PRKG1: variants seen among roughly 807,000 people sequenced by gnomAD.
The protein encoded by PRKG1 is protein kinase cGMP-dependent 1.
In PRKG1, 35 loss-of-function variants were observed where a neutral mutation model predicts 88.1. That is an observed-to-expected ratio of 0.40 (90% CI 0.30 to 0.53). The LOEUF (loss-of-function observed/expected upper bound fraction) is 0.53, where lower values mean the gene tolerates loss of function less well. Among genes scored for constraint, PRKG1 ranks in the 20% least tolerant of loss-of-function variants. The probability of loss-of-function intolerance (pLI) is 0.59; values close to 1 mark genes in which losing one functional copy is unlikely to be tolerated. For synonymous variants in PRKG1, 303 were observed against 292.5 expected (o/e 1.04, Z -0.37); for missense variants, 540 against 839.8 (o/e 0.64, Z 4.41).
chr10:51,702,860 A>G (rs1223148469), intron 3 of PRKG1, among the ~76,000 whole-genome samples: 1 of 152,016 alleles, frequency 6.6e-6, no homozygotes, highest in Admixed American at 6.5e-5. Context: ...CTCATGGCTA[A>G]TTTTTTGTGC....
chr10:51,741,930 G>C (rs1837445092), intron 3 of PRKG1, among the ~76,000 whole-genome samples: 1 of 152,230 alleles, frequency 6.6e-6, no homozygotes, highest in Admixed American at 6.5e-5. Flanking sequence ...GCTGTAACTG[G>C]TTGTCAAAGA....
chr10:51,298,995 G>A (rs1469265974), intron 2 of PRKG1, among the ~76,000 whole-genome samples: 2 of 152,102 alleles, frequency 1.3e-5, no homozygotes, highest in African/African-American at 4.8e-5. Context: ...ACAAAGGTTT[G>A]TTGTCTAAAG....
At chr10:51,282,303 A>G (rs1169722763) in intron 2 of PRKG1, among the ~76,000 whole-genome samples, 1 of 152,194 alleles carries the variant, frequency 6.6e-6, no homozygotes, top group Non-Finnish European at 1.5e-5. Flanking sequence ...TCTGTGAGAC[A>G]CATCTAGAAG....
Position 52,290,250 on chromosome 10 carries a change from G to A in PRKG1, c.1922G>A (p.Gly641Asp), listed in dbSNP as rs1223217675. 6.2e-7 allele frequency: 1 copy of A among 1,613,056 alleles called. No individual in the cohort carries two copies. ...HKWFEGFNWE[G>D]LRKGTLTPPI... is the part of the protein sequence containing the mutation. ...TGGTTTGAGGGCTTTAACTGGGAAG[G>A]CTTAAGAAAAGGTACCTTGACACCT... The change falls in exon 17 of 18, where the codon GGC (glycine) becomes GAC (aspartate). Residue 641 changes from glycine to aspartate, a missense_variant. Physicochemically the swap from Gly to Asp is moderately conservative, Grantham distance 94 (BLOSUM62 -1). Around this residue, in one of 5 missense-constraint regions of PRKG1, gnomAD observed 97 missense variants for 210.6 expected, o/e 0.46. Coordinates refer to ENST00000373980, the MANE Select transcript of PRKG1 (RefSeq NM_006258.4).
At chr10:52,230,650 C>T (rs761673797) in intron 9 of PRKG1, 32 of 152,156 alleles carry the variant, frequency 2.1e-4, no homozygotes, top group Admixed American at 1.8e-3. Context: ...AGGCACTCAT[C>T]GCTCACATGG....
rs561602669 is a variant in PRKG1, at chr10:51,272,098, A to G, written c.478+118768A>G. Among the ~76,000 whole-genome samples, 6 of 152,282 alleles carry G rather than the reference A, an allele frequency of 3.9e-5. No individual in the cohort carries two copies. The South Asian group carries it at 1.2e-3, about 32-fold the overall frequency. On this transcript the variant is annotated intron_variant, in intron 2 of 17. Transcript: ENST00000373980. Reference sequence around the variant, plus strand: ...GTATCTGTTGTTTCCTGACTTTTTAATGATCTCCATTCTAACTGGTGTGAA... The same window carrying G: ...GTATCTGTTGTTTCCTGACTTTTTAGTGATCTCCATTCTAACTGGTGTGAA...
At chr10:51,060,657 A>G (rs1843681899) in intron 1 of PRKG1, among the ~76,000 whole-genome samples, 1 of 152,250 alleles carries the variant, frequency 6.6e-6, no homozygotes, top group African/African-American at 2.4e-5. Context: ...GTAATAATTT[A>G]TATACATTTA....
At chr10:51,790,938 T>C (rs1203088099) in intron 3 of PRKG1, among the ~76,000 whole-genome samples, 1 of 152,186 alleles carries the variant, frequency 6.6e-6, no homozygotes, top group Non-Finnish European at 1.5e-5. Flanking sequence ...TTGGTCTACT[T>C]GAACACTTCC....
chr10:51,891,240 G>C (rs1356749963), intron 4 of PRKG1, among the ~76,000 whole-genome samples: 1 of 152,074 alleles, frequency 6.6e-6, no homozygotes, highest in Non-Finnish European at 1.5e-5. Flanking sequence ...CCCAAGCCAG[G>C]GTGACAGGGT....
chr10:51,518,607 T>G (rs2132073530), intron 3 of PRKG1, among the ~76,000 whole-genome samples: 1 of 152,276 alleles, frequency 6.6e-6, no homozygotes, highest in Non-Finnish European at 1.5e-5. Flanking sequence ...AACAGATCCT[T>G]TAAATTGCCA....
chr10:52,049,219 T>C (rs942388452), intron 5 of PRKG1, among the ~76,000 whole-genome samples: 2 of 152,216 alleles, frequency 1.3e-5, no homozygotes, highest in Middle Eastern at 3.4e-3. Context: ...ACTGGTAAGA[T>C]TGGCCAGAAA....
In PRKG1 at chr10:51,374,974, GGAGAGA is replaced by G. The variant is rs140088990; in HGVS notation, c.479-92735_479-92730del. 4.9e-3 allele frequency among the ~76,000 whole-genome samples: 740 copies of G among 150,702 alleles called. 5 individuals carry two copies. Among genetic ancestry groups the G allele is most frequent in the African/African-American group, 0.017 (687 of 41,190 alleles). Reference sequence around the variant, plus strand: ...GCAGTTTACTTCATCAAAGTCAGAAGGAGAGAGAGAGAGAGAGAGTCAGTAGAGTCT... The same window carrying G: ...GCAGTTTACTTCATCAAAGTCAGAAGGAGAGAGAGAGAGTCAGTAGAGTCT... On this transcript the variant is annotated intron_variant, in intron 2 of 17. Coordinates refer to ENST00000373980, the MANE Select transcript of PRKG1 (RefSeq NM_006258.4).
chr10:51,425,114 G>A (rs1012499253), intron 2 of PRKG1, among the ~76,000 whole-genome samples: 6 of 152,010 alleles, frequency 3.9e-5, no homozygotes. Context: ...TTGAGATTTT[G>A]AAAAGATTAC....
chr10:51,537,727 CAAAAAA>C (rs33928221), intron 3 of PRKG1, among the ~76,000 whole-genome samples: 1 of 107,612 alleles, frequency 9.3e-6, no homozygotes, highest in Non-Finnish European at 1.8e-5. Flanking sequence ...GAGTCTGTCT[CAAAAAA>C]AAAAAAAAAA....
At chr10:51,669,010 A>G (rs1042868198) in intron 3 of PRKG1, among the ~76,000 whole-genome samples, 6 of 152,202 alleles carry the variant, frequency 3.9e-5, no homozygotes, top group South Asian at 2.1e-4. Flanking sequence ...ATGTATATAT[A>G]TTTATTTAAT....
rs1282026601 is a variant in PRKG1 at position 51,907,016 on chromosome 10, T to C, written c.699-491T>C. ...TGAGACTTAAGATTTCTATTTCTATTTGAATGTTAATTCTAGTAAGTTGTG... is the reference window on the plus strand; with the variant it reads ...TGAGACTTAAGATTTCTATTTCTATCTGAATGTTAATTCTAGTAAGTTGTG... On this transcript the variant is annotated intron_variant, in intron 4 of 17. Transcript: ENST00000373980. Among the ~76,000 whole-genome samples the C allele has an allele frequency of 3.9e-5, 6 of 152,210 alleles. No individual in the cohort carries two copies. The South Asian group carries it at 6.2e-4, about 16-fold the overall frequency.
rs547032593 is a variant in PRKG1 at position 51,692,361 on chromosome 10, G to C, written c.593-112224G>C. ...GGGTTCATGCCATTCTCCTGCCTCA[G>C]CCTCCCAAGTAGCTGGGACTACAGG... On this transcript the variant is annotated intron_variant, in intron 3 of 17. Transcript: ENST00000373980. Among the ~76,000 whole-genome samples the C allele has an allele frequency of 3.3e-4, 50 of 152,062 alleles. No homozygotes were observed. The East Asian group carries it at 9.1e-3, about 28-fold the overall frequency.
At chr10:51,984,270 T>C (rs1844093700) in intron 5 of PRKG1, among the ~76,000 whole-genome samples, 1 of 152,224 alleles carries the variant, frequency 6.6e-6, no homozygotes, top group South Asian at 2.1e-4. Context: ...TCAAAATTCG[T>C]GTAATTCAAA....
intron 5 of PRKG1, among the ~76,000 whole-genome samples, chr10:51,942,485 G>A (rs987869408): frequency 4.0e-4 from 60 of 150,450 alleles, no homozygotes; most frequent in African/African-American, 1.4e-3. Flanking sequence ...TTTTGGCTTT[G>A]GTTGCCATTG....
Sources: allele counts gnomAD v4.1 joint callset (sites outside exome capture counted in the v4.1 genomes callset), GRCh38; gene constraint gnomAD v4.1.1; regional missense constraint gnomAD v4.1.1; transcripts MANE v1.5; gene names NCBI Gene and HGNC (gene_info 2026-07-23, HGNC 2026-07-21).